The following SGCZ variants were observed in gnomAD, a reference collection of about 807,000 sequenced individuals.
SGCZ encodes the protein sarcoglycan zeta.
In SGCZ, 40 loss-of-function variants were observed where a neutral mutation model predicts 41.3. The ratio of observed to expected loss-of-function variants is 0.97; its 90% CI spans 0.75 to 1.26. The LOEUF (loss-of-function observed/expected upper bound fraction) is 1.26. Among genes scored for constraint, SGCZ ranks in the 50% most tolerant of loss-of-function variants. The pLI, the probability that SGCZ is intolerant of heterozygous loss-of-function variation, is 0.00. For missense variants in SGCZ, 552 were observed against 369.8 expected (o/e 1.49, Z -4.04); for synonymous variants, 206 against 137.5 (o/e 1.50, Z -3.49).
At chr8:14,762,663 T>G (rs952492869) in intron 1 of SGCZ, among the ~76,000 whole-genome samples, 1 of 152,166 alleles carries the variant, frequency 6.6e-6, no homozygotes, top group South Asian at 2.1e-4. Flanking sequence ...TTCAGGAAAT[T>G]TCTATCCTAT....
chr8:15,120,355 T>C (rs2116949014), intron 1 of SGCZ, among the ~76,000 whole-genome samples: 1 of 152,338 alleles, frequency 6.6e-6, no homozygotes, highest in Admixed American at 6.5e-5. Flanking sequence ...TCTATCAAAA[T>C]CCTATACAGG....
intron 1 of SGCZ, among the ~76,000 whole-genome samples, chr8:14,572,130 C>T (rs1365906074): frequency 2.0e-5 from 3 of 152,144 alleles, no homozygotes; most frequent in Admixed American, 6.6e-5. Context: ...GATGAAATTG[C>T]ATTAATACAT....
intron 1 of SGCZ, among the ~76,000 whole-genome samples, chr8:14,949,860 T>C (rs191170251): frequency 6.6e-6 from 1 of 152,086 alleles, no homozygotes; most frequent in Non-Finnish European, 1.5e-5. Flanking sequence ...ACAAAAATCG[T>C]TTCATCCAAA....
At chr8:14,716,016 T>A (rs1809677423) in intron 1 of SGCZ, among the ~76,000 whole-genome samples, 1 of 152,100 alleles carries the variant, frequency 6.6e-6, no homozygotes, top group Non-Finnish European at 1.5e-5. Context: ...AAAGCCAAAT[T>A]AATAAAATTA....
intron 3 of SGCZ, among the ~76,000 whole-genome samples, chr8:14,254,309 A>G (rs968603448): frequency 6.6e-6 from 1 of 152,206 alleles, no homozygotes; most frequent in African/African-American, 2.4e-5. Flanking sequence ...CAATACTAGC[A>G]TTTGATCTTC....
In SGCZ at chr8:14,218,987, T is replaced by C. The variant is rs1283733996; in HGVS notation, c.424+18605A>G. Among the ~76,000 whole-genome samples, 7 of 152,258 alleles carry C rather than the reference T, an allele frequency of 4.6e-5. No individual in the cohort carries two copies. In the East Asian group the frequency reaches 1.2e-3, roughly 25 times the overall value. On this transcript the variant is annotated intron_variant, in intron 4 of 7. Coordinates refer to ENST00000382080, the MANE Select transcript of SGCZ (RefSeq NM_139167.4). The stretch of plus-strand genomic sequence containing the variant: ...AACTCAACGTTGACCGTTCTATGGT[T>C]GTTTGGCATTTGAACCAAACTGGAG...
rs752643809 is a variant in SGCZ at position 14,511,590 on chromosome 8, T to A, written c.234+43142A>T. On this transcript the variant is annotated intron_variant, in intron 2 of 7. Transcript: ENST00000382080. ...ATCTTATAATTAAATATTAAGATTT[T>A]TGGATTTTATCCTATATTTTCACAA... Among the ~76,000 whole-genome samples the A allele has an allele frequency of 3.8e-4, 58 of 152,246 alleles. 2 individuals carry two copies. Among genetic ancestry groups the A allele is most frequent in the Non-Finnish European group, 5.6e-4 (38 of 67,998 alleles).
chr8:14,918,703 T>G (rs1799508084), intron 1 of SGCZ, among the ~76,000 whole-genome samples: 1 of 152,222 alleles, frequency 6.6e-6, no homozygotes, highest in South Asian at 2.1e-4. Flanking sequence ...CTTACTATGT[T>G]TGGGGAAGTC....
At chr8:14,689,172 A>G (rs1808718450) in intron 1 of SGCZ, among the ~76,000 whole-genome samples, 1 of 152,096 alleles carries the variant, frequency 6.6e-6, no homozygotes, top group Non-Finnish European at 1.5e-5. Flanking sequence ...GATGAATATC[A>G]AAAGAAAAAA....
At chr8:14,209,374 A>T (rs915626674) in intron 4 of SGCZ, among the ~76,000 whole-genome samples, 1 of 146,896 alleles carries the variant, frequency 6.8e-6, no homozygotes, top group African/African-American at 2.5e-5. Flanking sequence ...CTGTTCCTAA[A>T]CTCACTCCTT....
At chr8:14,689,016 A>T (rs1236725312) in intron 1 of SGCZ, among the ~76,000 whole-genome samples, 3 of 152,264 alleles carry the variant, frequency 2.0e-5, no homozygotes, top group Non-Finnish European at 2.9e-5. Flanking sequence ...TTTAAAAAAA[A>T]TTTTAAAGCA....
chr8:15,142,256 T>C (rs1798909437), intron 1 of SGCZ, among the ~76,000 whole-genome samples: 2 of 152,290 alleles, frequency 1.3e-5, no homozygotes, highest in Non-Finnish European at 2.9e-5. Context: ...AGAGTATGTT[T>C]AGGCAGGCAC....
intron 1 of SGCZ, among the ~76,000 whole-genome samples, chr8:15,144,171 T>C (rs986359678): frequency 6.6e-6 from 1 of 152,252 alleles, no homozygotes; most frequent in African/African-American, 2.4e-5. Context: ...GTTGGTGTAA[T>C]AAAAGGTGAT....
At chr8:15,014,863 T>C (rs974509596) in intron 1 of SGCZ, among the ~76,000 whole-genome samples, 1 of 152,214 alleles carries the variant, frequency 6.6e-6, no homozygotes, top group Non-Finnish European at 1.5e-5. Context: ...GCTGCAGATC[T>C]ACTCTCTTTA....
intron 2 of SGCZ, among the ~76,000 whole-genome samples, chr8:14,440,655 A>G (rs970276523): frequency 2.6e-5 from 4 of 151,346 alleles, no homozygotes; most frequent in Non-Finnish European, 5.9e-5. Context: ...ATATACATGT[A>G]TATATGTGTC....
intron 4 of SGCZ, among the ~76,000 whole-genome samples, chr8:14,202,083 C>T (rs1036789308): frequency 3.9e-5 from 6 of 152,070 alleles, no homozygotes; most frequent in South Asian, 2.1e-4. Context: ...GGTTGCTCAC[C>T]GCCTGACCTT....
chr8:14,892,572 T>C (rs1046760153), intron 1 of SGCZ, among the ~76,000 whole-genome samples: 1 of 152,308 alleles, frequency 6.6e-6, no homozygotes, highest in East Asian at 1.9e-4. Context: ...GTTTTAATAA[T>C]AGTTTATTAT....
chr8:14,129,633 T>G (rs921692982), intron 5 of SGCZ, among the ~76,000 whole-genome samples: 1 of 151,632 alleles, frequency 6.6e-6, no homozygotes, highest in African/African-American at 2.4e-5. Flanking sequence ...CAATCTAACT[T>G]TATACCTTGA....
At chr8:14,833,877 G>A (rs911663757) in intron 1 of SGCZ, among the ~76,000 whole-genome samples, 16 of 152,054 alleles carry the variant, frequency 1.1e-4, no homozygotes, top group African/African-American at 2.7e-4. Context: ...TCCTCTCTAA[G>A]AATATTTATG....
Sources: gnomAD v4.1 joint callset for allele counts (sites outside exome capture counted in the v4.1 genomes callset) on GRCh38, gnomAD v4.1.1 for gene constraint, MANE v1.5 for transcripts, NCBI Gene and HGNC (gene_info 2026-07-23, HGNC 2026-07-21) for gene names.